Variants in CADM2 observed in about 807,000 individuals in gnomAD.
CADM2 encodes the protein immunoglobulin superfamily member 4D.
Under a neutral mutation model 49.8 loss-of-function variants are expected in CADM2, and 12 were observed. The observed-to-expected ratio is 0.24, with a 90% CI of 0.15 to 0.39. The LOEUF (loss-of-function observed/expected upper bound fraction) is 0.39, where lower values mean the gene tolerates loss of function less well. Among genes scored for constraint, CADM2 ranks in the 10% least tolerant of loss-of-function variants. CADM2 has a pLI of 1.00. For missense variants in CADM2, 378 were observed against 492.3 expected, an observed-to-expected ratio of 0.77 and a Z score of 2.20; for synonymous variants, 214 against 175.4, an observed-to-expected ratio of 1.22 and a Z score of -1.74.
intron 1 of CADM2, among the ~76,000 whole-genome samples, chr3:85,139,652 A>G (rs2039518036): frequency 6.6e-6 from 1 of 152,176 alleles, no homozygotes; most frequent in African/African-American, 2.4e-5. Context: ...AAGCTTAAGG[A>G]AAATATGAAA....
At chr3:85,866,828 T>C (rs1253098196) in intron 3 of CADM2, among the ~76,000 whole-genome samples, 1 of 152,098 alleles carries the variant, frequency 6.6e-6, no homozygotes, top group Non-Finnish European at 1.5e-5. Flanking sequence ...ATTGTACATA[T>C]ACATACACAC....
intron 1 of CADM2, among the ~76,000 whole-genome samples, chr3:85,522,400 G>C (rs191257961): frequency 6.6e-6 from 1 of 151,928 alleles, no homozygotes; most frequent in Non-Finnish European, 1.5e-5. Flanking sequence ...CATGCAGTTC[G>C]TCCCACAAAG....
At chr3:86,014,696 G>A (rs1051638108) in intron 8 of CADM2, 30 of 1,531,464 alleles carry the variant, frequency 2.0e-5, no homozygotes, top group East Asian at 9.1e-5. Context: ...TCAATACACC[G>A]GAGGAACACC....
At chr3:85,857,659 G>T (rs1021816342) in intron 3 of CADM2, among the ~76,000 whole-genome samples, 9 of 152,072 alleles carry the variant, frequency 5.9e-5, no homozygotes, top group African/African-American at 2.2e-4. Context: ...CATTTAAAGG[G>T]ACAGGCAGAA....
chr3:86,050,121 A>G (rs1737169682), intron 8 of CADM2, among the ~76,000 whole-genome samples: 1 of 152,218 alleles, frequency 6.6e-6, no homozygotes, highest in Non-Finnish European at 1.5e-5. Context: ...AAGATACAAC[A>G]GGGGTACAGG....
At chr3:85,739,415 A>G (rs9825885) in intron 2 of CADM2, among the ~76,000 whole-genome samples, 23,830 of 152,078 alleles carry the variant, frequency 0.16, 2,356 homozygotes, top group Non-Finnish European at 0.21. Flanking sequence ...GTTTAAACAA[A>G]TTAATCAGGA....
chr3:85,546,201 C>A (rs2061667563), intron 1 of CADM2, among the ~76,000 whole-genome samples: 1 of 152,150 alleles, frequency 6.6e-6, no homozygotes, highest in Admixed American at 6.6e-5. Context: ...AATTCTAGCA[C>A]CATGCTGGGC....
chr3:85,127,988 A>G (rs1381379385), intron 1 of CADM2, among the ~76,000 whole-genome samples: 1 of 152,222 alleles, frequency 6.6e-6, no homozygotes, highest in Admixed American at 6.5e-5. Flanking sequence ...TTAGTCCCTC[A>G]GTCACACTAG....
At chr3:85,614,974 T>C (rs909578524) in intron 1 of CADM2, among the ~76,000 whole-genome samples, 1 of 152,028 alleles carries the variant, frequency 6.6e-6, no homozygotes, top group African/African-American at 2.4e-5. Context: ...TTGTAGCCTT[T>C]GATATAGCTG....
chr3:85,584,245 G>A (rs1264002469), intron 1 of CADM2, among the ~76,000 whole-genome samples: 1 of 151,946 alleles, frequency 6.6e-6, no homozygotes, highest in Admixed American at 6.6e-5. Flanking sequence ...AAAAATGCAG[G>A]TGTCAGGAAA....
intron 1 of CADM2, among the ~76,000 whole-genome samples, chr3:85,699,304 G>T (rs1477511556): frequency 1.3e-5 from 2 of 152,110 alleles, no homozygotes; most frequent in African/African-American, 4.8e-5. Context: ...CCTGGAGGAT[G>T]GCGGCCCCCT....
At chr3:86,037,444 G>A (rs1287940247) in intron 8 of CADM2, among the ~76,000 whole-genome samples, 2 of 152,076 alleles carry the variant, frequency 1.3e-5, no homozygotes, top group Non-Finnish European at 2.9e-5. Flanking sequence ...TAAGAGAGGG[G>A]GGCAGGGCAA....
At chr3:85,012,326 T>G (rs1230595390) in intron 1 of CADM2, among the ~76,000 whole-genome samples, 1 of 151,646 alleles carries the variant, frequency 6.6e-6, no homozygotes, top group Non-Finnish European at 1.5e-5. Context: ...TGCTTTTTTT[T>G]TTTTTCCTTA....
At chr3:85,136,832 A>G (rs1483509552) in intron 1 of CADM2, among the ~76,000 whole-genome samples, 1 of 152,006 alleles carries the variant, frequency 6.6e-6, no homozygotes, top group Non-Finnish European at 1.5e-5. Flanking sequence ...GGAATAAAAT[A>G]TGCATTTTAA....
chr3:85,707,764 G>A (rs1357197340), intron 1 of CADM2, among the ~76,000 whole-genome samples: 3 of 152,020 alleles, frequency 2.0e-5, no homozygotes, highest in Admixed American at 6.6e-5. Flanking sequence ...GCCTTTTTAA[G>A]TATAAGATTT....
chr3:85,274,850 G>A (rs549169493), intron 1 of CADM2, among the ~76,000 whole-genome samples: 68 of 151,312 alleles, frequency 4.5e-4, no homozygotes, highest in Non-Finnish European at 8.0e-4. Context: ...TTCTAGTCTG[G>A]TTAGGGGAAT....
intron 1 of CADM2, among the ~76,000 whole-genome samples, chr3:85,328,684 T>A (rs1033595875): frequency 6.6e-6 from 1 of 152,186 alleles, no homozygotes; most frequent in Non-Finnish European, 1.5e-5. Flanking sequence ...CAAGTGAAAT[T>A]TGATCCTTGA....
intron 1 of CADM2, among the ~76,000 whole-genome samples, chr3:85,173,577 C>T (rs867883005): frequency 2.0e-5 from 3 of 152,110 alleles, no homozygotes; most frequent in Admixed American, 6.5e-5. Context: ...CTGGACAATC[C>T]TATACACGTA....
intron 1 of CADM2, among the ~76,000 whole-genome samples, chr3:85,723,262 T>C (rs2067570862): frequency 6.6e-6 from 1 of 152,128 alleles, no homozygotes; most frequent in African/African-American, 2.4e-5. Context: ...AGACAAAAAA[T>C]GGTGTCATAT....
Sources: gnomAD v4.1 joint callset for allele counts (sites outside exome capture counted in the v4.1 genomes callset) on GRCh38, gnomAD v4.1.1 for gene constraint, MANE v1.5 for transcripts, NCBI Gene and HGNC (gene_info 2026-07-23, HGNC 2026-07-21) for gene names.